Variants in PLAGL1 observed in about 807,000 individuals in gnomAD.
PLAGL1 encodes the protein PLAG1 like zinc finger 1.
In PLAGL1, 1 loss-of-function variant was observed where a neutral mutation model predicts 4.6. The observed-to-expected ratio is 0.22, with a 90% CI of 0.08 to 1.03. The LOEUF (loss-of-function observed/expected upper bound fraction) is 1.03, where lower values mean the gene tolerates loss of function less well. Ranked by LOEUF, PLAGL1 falls within the 50% of genes least tolerant of loss-of-function variation. The probability of loss-of-function intolerance (pLI) is 0.58; values close to 1 mark genes in which losing one functional copy is unlikely to be tolerated. For synonymous variants in PLAGL1, 240 were observed against 237.8 expected (o/e 1.01, Z -0.08); for missense variants, 464 against 570.4 (o/e 0.81, Z 1.90).
At chr6:143,977,513 G>A (rs1377690889) in intron 2 of PLAGL1, among the ~76,000 whole-genome samples, 3 of 108,682 alleles carry the variant, frequency 2.8e-5, no homozygotes, top group East Asian at 6.1e-4. Context: ...TGGCTCAATC[G>A]CCCAGACTGG....
intron 1 of PLAGL1, among the ~76,000 whole-genome samples, chr6:144,026,472 A>G (rs1342545005): frequency 2.0e-5 from 3 of 152,202 alleles, no homozygotes; most frequent in Non-Finnish European, 4.4e-5. Flanking sequence ...TTATTCCACC[A>G]TATCTCCAGA....
chr6:143,993,318 AAAAAC>A lies in PLAGL1; in HGVS notation c.-583-8149_-583-8145del, dbSNP rs1264234651. 3.4e-3 allele frequency among the ~76,000 whole-genome samples: 449 copies of A among 133,786 alleles called. 2 individuals are homozygous for A. Among genetic ancestry groups the A allele is most frequent in the African/African-American group, 0.011 (402 of 35,526 alleles). 87.8% of individuals were successfully genotyped at this position (133,786 alleles called of 152,430 possible). ...GACTCTGTCTGAAAACAAAAAAACA[AAAAAC>A]AAAACAAAACACACACACACACACA... is the stretch of plus-strand genomic sequence containing the variant. On this transcript the variant is annotated intron_variant, in intron 1 of 7. Transcript: ENST00000674357.
Position 144,016,819 on chromosome 6 carries a change from CAT to C in PLAGL1, c.-151+47647_-151+47648del, listed in dbSNP as rs1486284916. Among the ~76,000 whole-genome samples, 4 of 152,196 alleles carry C rather than the reference CAT, an allele frequency of 2.6e-5. No individual in the cohort carries two copies. The highest frequency in any genetic ancestry group is 2.0e-4 in the Admixed American group (3 of 15,278). On this transcript the variant is annotated intron_variant, in intron 1 of 3. Coordinates refer to the PLAGL1 transcript ENST00000437412. The surrounding 1 kb of genome is among the most constrained non-coding windows in gnomAD (Gnocchi z 4.2). ...ATTTGGATAGGATGAGGAGAAATCA[CAT>C]GAGATTGGTTTTATCTCTATTACCA...
At chr6:144,008,884 A>C (rs947731028), upstream of PLAGL1, 1 of 152,210 alleles carries the variant, frequency 6.6e-6, no homozygotes, top group African/African-American at 2.4e-5. The surrounding 1 kb of genome is among the most constrained non-coding windows in gnomAD (Gnocchi z 6.9). Flanking sequence ...AGAAACGAAG[A>C]CGCAGAAAGG....
chr6:144,040,283 C>T (rs1797621333), intron 1 of PLAGL1, among the ~76,000 whole-genome samples: 1 of 151,994 alleles, frequency 6.6e-6, no homozygotes. Context: ...AATCCCAGCA[C>T]TTTGGGAGGC....
In PLAGL1 at chr6:143,943,031, A is replaced by ATTT. The variant is rs61216054; in HGVS notation, c.153-371_153-369dup. 1.1e-3 allele frequency among the ~76,000 whole-genome samples: 70 copies of ATTT among 64,650 alleles called. 2 individuals carry two copies. Among genetic ancestry groups the ATTT allele is most frequent in the Admixed American group, 4.2e-3 (17 of 4,050 alleles). The allele number at this position is 64,650 out of a possible 152,430, so 42.4% of individuals were successfully genotyped here. The stretch of plus-strand genomic sequence containing the variant: ...AGGCACACACCACCAGGCCTGGCTA[A>ATTT]TTTTTTTTTTTTTTTTTTTGAGACA... On this transcript the variant is annotated intron_variant, in intron 7 of 7. Transcript: ENST00000674357.
chr6:144,035,828 A>T (rs1417164923), intron 1 of PLAGL1, among the ~76,000 whole-genome samples: 1 of 152,088 alleles, frequency 6.6e-6, no homozygotes, highest in African/African-American at 2.4e-5. Context: ...CTGATCTCAT[A>T]TGGTTGATGA....
At chr6:143,946,218 G>A (rs879843957) in intron 7 of PLAGL1, among the ~76,000 whole-genome samples, 9 of 152,166 alleles carry the variant, frequency 5.9e-5, no homozygotes, top group Non-Finnish European at 1.2e-4. Flanking sequence ...GTGTATAAGC[G>A]GACCCGTGCA....
chr6:143,974,384 G>A (rs565862835), intron 2 of PLAGL1, among the ~76,000 whole-genome samples: 39 of 152,108 alleles, frequency 2.6e-4, no homozygotes, highest in East Asian at 1.2e-3. Flanking sequence ...TACTGATCTC[G>A]GTGGTGGGGT....
Position 143,994,597 on chromosome 6 carries a change from G to A in PLAGL1, c.-583-9423C>T, listed in dbSNP as rs1583520062. 6.6e-6 allele frequency among the ~76,000 whole-genome samples: 1 copy of A among 152,228 alleles called. No homozygotes were observed. Among genetic ancestry groups the A allele is most frequent in the African/African-American group, 2.4e-5 (1 of 41,460 alleles). On this transcript the variant is annotated intron_variant, in intron 1 of 7. Transcript: ENST00000674357. The surrounding 1 kb of genome is among the most constrained non-coding windows in gnomAD (Gnocchi z 4.3). ...ATACTACTATTATTCGCAAAAAAATGTATGGAAGATGATGAGAGACAGCAG... is the reference window on the plus strand; with the variant it reads ...ATACTACTATTATTCGCAAAAAAATATATGGAAGATGATGAGAGACAGCAG...
At chr6:144,019,833 C>G (rs1203229020) in intron 1 of PLAGL1, among the ~76,000 whole-genome samples, 2 of 151,134 alleles carry the variant, frequency 1.3e-5, no homozygotes, top group Admixed American at 1.3e-4. Flanking sequence ...ATTCAGCCAT[C>G]TGATTATGAT....
In PLAGL1 at chr6:143,944,107, A is replaced by G. The variant is rs145808708; in HGVS notation, c.153-1444T>C. On this transcript the variant is annotated intron_variant, in intron 7 of 7. Transcript: ENST00000674357. ...TCACGAGAGGTTAAAGCTTGTCCTAACTGACAATTTAAGTGCAGTTGTACC... is the reference window on the plus strand; with the variant it reads ...TCACGAGAGGTTAAAGCTTGTCCTAGCTGACAATTTAAGTGCAGTTGTACC... 2.0e-3 allele frequency among the ~76,000 whole-genome samples: 302 copies of G among 152,304 alleles called. 5 individuals are homozygous for G. The highest frequency in any genetic ancestry group is 0.014 in the East Asian group (75 of 5,186).
At position 144,015,578 on chromosome 6, in the gene PLAGL1, A is replaced by G. The variant is rs1795510315; in HGVS notation, c.-150-46600T>C. ...GAAGAACCCAATAATACAATAAACA[A>G]TACACTTCACTAAATAAGACATGTG... On this transcript the variant is annotated intron_variant, in intron 1 of 3. Transcript: ENST00000437412. The surrounding 1 kb of genome is among the most constrained non-coding windows in gnomAD (Gnocchi z 4.3). Among the ~76,000 whole-genome samples, 1 of 152,228 alleles carries G rather than the reference A, an allele frequency of 6.6e-6. No individual in the cohort carries two copies. The highest frequency in any genetic ancestry group is 2.4e-5 in the African/African-American group (1 of 41,464).
rs1263928332 is a variant in PLAGL1, at chr6:144,027,234, C to CGAACGAACGAAA, written c.-151+37233_-151+37234insTTTCGTTCGTTC. On this transcript the variant is annotated intron_variant, in intron 1 of 3. Transcript: ENST00000437412. The surrounding 1 kb of genome is among the most constrained non-coding windows in gnomAD (Gnocchi z 5.8). Reference sequence around the variant, plus strand: ...GAAAGACCCCAACTCAAAGAACGAACGAAAGAAAGAAAGAAAGAAAGAAAG... The same window carrying CGAACGAACGAAA: ...GAAAGACCCCAACTCAAAGAACGAACGAACGAACGAAAGAAAGAAAGAAAGAAAGAAAGAAAG... Among the ~76,000 whole-genome samples the CGAACGAACGAAA allele has an allele frequency of 7.2e-5, 8 of 111,632 alleles. No homozygotes were observed. In the East Asian group the frequency reaches 1.4e-3, roughly 20 times the overall value. The allele number at this position is 111,632 out of a possible 152,430, so 73.2% of individuals were successfully genotyped here.
rs756484099 is a variant in PLAGL1 at position 143,949,660 on chromosome 6, A to G, written c.-324-1200T>C. Reference sequence around the variant, plus strand: ...TCAAGTGCCAATACTTAAAAAAATTAAGAGTACTGTATGCTTAGGTGAAGT... The same window carrying G: ...TCAAGTGCCAATACTTAAAAAAATTGAGAGTACTGTATGCTTAGGTGAAGT... On this transcript the variant is annotated intron_variant, in intron 6 of 7. Transcript: ENST00000674357. The surrounding 1 kb of genome is among the most constrained non-coding windows in gnomAD (Gnocchi z 5.3). 5.3e-5 allele frequency among the ~76,000 whole-genome samples: 8 copies of G among 152,186 alleles called. No individual in the cohort carries two copies. The highest frequency in any genetic ancestry group is 1.2e-4 in the Non-Finnish European group (8 of 68,032).
Position 143,994,324 on chromosome 6 carries a change from T to C in PLAGL1, c.-583-9150A>G, listed in dbSNP as rs1791183208. Among the ~76,000 whole-genome samples the C allele has an allele frequency of 6.6e-6, 1 of 152,222 alleles. No individual in the cohort carries two copies. Among genetic ancestry groups the C allele is most frequent in the African/African-American group, 2.4e-5 (1 of 41,444 alleles). On this transcript the variant is annotated intron_variant, in intron 1 of 7. Transcript: ENST00000674357. The surrounding 1 kb of genome is among the most constrained non-coding windows in gnomAD (Gnocchi z 4.3). The stretch of plus-strand genomic sequence containing the variant: ...TATTGTAAATTTTAAGACTTCACAG[T>C]GCATGGGATGTCCACATGTTCTGCA...
chr6:143,996,986 C>T (rs937931822), intron 1 of PLAGL1, among the ~76,000 whole-genome samples: 1 of 152,048 alleles, frequency 6.6e-6, no homozygotes, highest in Admixed American at 6.6e-5. Context: ...GGACAAAAGA[C>T]AAACCACTAA....
chr6:144,003,928 C>T (rs1036047418), intron 1 of PLAGL1, among the ~76,000 whole-genome samples: 3 of 152,214 alleles, frequency 2.0e-5, no homozygotes, highest in South Asian at 2.1e-4. Context: ...TGTCTACCAA[C>T]GGAAGTTGGA....
intron 1 of PLAGL1, among the ~76,000 whole-genome samples, chr6:144,052,699 C>T (rs1798662819): frequency 6.6e-6 from 1 of 152,024 alleles, no homozygotes; most frequent in Non-Finnish European, 1.5e-5. Flanking sequence ...GCTGATTAAG[C>T]ACTTTTCTCT....
Sources: gnomAD v4.1 joint callset for allele counts (sites outside exome capture counted in the v4.1 genomes callset) on GRCh38, gnomAD v4.1.1 for gene constraint, Gnocchi (gnomAD v3.1) non-coding constraint, MANE v1.5 for transcripts, NCBI Gene and HGNC (gene_info 2026-07-23, HGNC 2026-07-21) for gene names.